The following CTNNA3 variants were observed in gnomAD, a reference collection of about 807,000 sequenced individuals.
The protein encoded by CTNNA3 is catenin alpha-3.
A neutral mutation model predicts 95.7 loss-of-function variants in CTNNA3; 76 were observed. The observed-to-expected ratio is 0.79, with a 90% CI of 0.66 to 0.96. The LOEUF (loss-of-function observed/expected upper bound fraction) is 0.96. Among genes scored for constraint, CTNNA3 ranks in the 40% least tolerant of loss-of-function variants. The probability of loss-of-function intolerance (pLI) is 0.00; values close to 1 mark genes in which losing one functional copy is unlikely to be tolerated. For synonymous variants in CTNNA3, 431 were observed against 374.4 expected, an observed-to-expected ratio of 1.15 and a Z score of -1.74; for missense variants, 1,191 against 1,089.8, an observed-to-expected ratio of 1.09 and a Z score of -1.31.
chr10:66,848,566 A>T (rs2132372939), intron 7 of CTNNA3, among the ~76,000 whole-genome samples: 1 of 152,334 alleles, frequency 6.6e-6, no homozygotes, highest in South Asian at 2.1e-4. Context: ...TGTTTTAAAA[A>T]TGCTGCTGTG....
intron 12 of CTNNA3, among the ~76,000 whole-genome samples, chr10:66,352,407 TA>T (rs1173650864): frequency 6.6e-6 from 1 of 151,970 alleles, no homozygotes; most frequent in East Asian, 1.9e-4. Flanking sequence ...TGAAGGAAGA[TA>T]GAGATAGTTT....
At chr10:67,493,123 T>A (rs1838906152) in intron 5 of CTNNA3, among the ~76,000 whole-genome samples, 1 of 152,124 alleles carries the variant, frequency 6.6e-6, no homozygotes, top group Non-Finnish European at 1.5e-5. Context: ...GGTAGTTTTG[T>A]TTTGTTTTTT....
chr10:66,615,124 G>A (rs1054632278), intron 10 of CTNNA3, among the ~76,000 whole-genome samples: 4 of 151,904 alleles, frequency 2.6e-5, no homozygotes, highest in African/African-American at 4.8e-5. Context: ...TTTAAACTAT[G>A]GGCCCAGGAC....
At chr10:66,016,442 A>C (rs942340978) in intron 15 of CTNNA3, among the ~76,000 whole-genome samples, 4 of 152,136 alleles carry the variant, frequency 2.6e-5, no homozygotes, top group African/African-American at 9.7e-5. Flanking sequence ...AGTTGGCAAA[A>C]CTCACCAATA....
chr10:66,640,347 C>T (rs545788398), intron 9 of CTNNA3, among the ~76,000 whole-genome samples: 1 of 152,260 alleles, frequency 6.6e-6, no homozygotes, highest in South Asian at 2.1e-4. Context: ...AATGTCTCTT[C>T]CCAGGGGAAG....
intron 5 of CTNNA3, among the ~76,000 whole-genome samples, chr10:67,362,567 A>C (rs1413775975): frequency 6.6e-6 from 1 of 152,174 alleles, no homozygotes; most frequent in Non-Finnish European, 1.5e-5. Flanking sequence ...GCCAAAATCC[A>C]AAATCCCTTC....
chr10:65,938,978 C>G (rs1222541240), intron 17 of CTNNA3, among the ~76,000 whole-genome samples: 1 of 151,946 alleles, frequency 6.6e-6, no homozygotes, highest in Admixed American at 6.6e-5. Flanking sequence ...TCTCGGCTCA[C>G]TGCAAGCTCC....
At chr10:66,325,766 G>A (rs924147074) in intron 12 of CTNNA3, among the ~76,000 whole-genome samples, 1 of 151,900 alleles carries the variant, frequency 6.6e-6, no homozygotes. Context: ...ATTAAATCTA[G>A]GACTGAAAAT....
rs115646845 is a variant in CTNNA3, at chr10:66,655,861, T to C, written c.1282-34077A>G. The stretch of plus-strand genomic sequence containing the variant: ...GCAGTGATAGGTAAATGGCAGAAAG[T>C]ATATACAAGTATTAAGTAACTTCAG... On this transcript the variant is annotated intron_variant, in intron 9 of 17. Coordinates refer to ENST00000433211, the MANE Select transcript of CTNNA3 (RefSeq NM_013266.4). Among the ~76,000 whole-genome samples the C allele has an allele frequency of 3.8e-3, 574 of 152,176 alleles. 6 individuals are homozygous for C. Among genetic ancestry groups the C allele is most frequent in the African/African-American group, 0.013 (527 of 41,542 alleles).
chr10:66,505,967 C>T (rs2131977324), intron 11 of CTNNA3, among the ~76,000 whole-genome samples: 1 of 152,236 alleles, frequency 6.6e-6, no homozygotes, highest in South Asian at 2.1e-4. Flanking sequence ...GTTCACAATT[C>T]TGCAGACTGT....
intron 13 of CTNNA3, among the ~76,000 whole-genome samples, chr10:66,115,166 C>T (rs1176719933): frequency 6.6e-6 from 1 of 152,106 alleles, no homozygotes; most frequent in Non-Finnish European, 1.5e-5. Context: ...GGCCTTGTCA[C>T]CTTGCAATAG....
intron 1 of CTNNA3, among the ~76,000 whole-genome samples, chr10:67,719,259 T>G (rs1032168039): frequency 1.3e-5 from 2 of 152,166 alleles, no homozygotes; most frequent in South Asian, 4.1e-4. Context: ...AGTTCCTGGA[T>G]TCATTGATTT....
chr10:67,596,527 T>G (rs577833191), intron 3 of CTNNA3, among the ~76,000 whole-genome samples: 1 of 152,244 alleles, frequency 6.6e-6, no homozygotes, highest in Non-Finnish European at 1.5e-5. Context: ...TGAAGCTTAG[T>G]TTGACTGAAT....
intron 13 of CTNNA3, among the ~76,000 whole-genome samples, chr10:66,274,939 ATAT>A (rs1467636090): frequency 1.3e-5 from 2 of 152,032 alleles, no homozygotes; most frequent in Non-Finnish European, 2.9e-5. Flanking sequence ...CAGAGTATAG[ATAT>A]TATATTTGTT....
intron 5 of CTNNA3, among the ~76,000 whole-genome samples, chr10:67,230,527 C>G (rs1276518277): frequency 6.6e-6 from 1 of 152,088 alleles, no homozygotes; most frequent in South Asian, 2.1e-4. Flanking sequence ...GGGAGAAAAT[C>G]TTCACAATCC....
intron 7 of CTNNA3, among the ~76,000 whole-genome samples, chr10:67,163,453 A>G (rs1861633480): frequency 6.6e-6 from 1 of 152,156 alleles, no homozygotes; most frequent in African/African-American, 2.4e-5. Flanking sequence ...ATCTAGAAAC[A>G]GAGAAGAACT....
intron 1 of CTNNA3, among the ~76,000 whole-genome samples, chr10:67,726,432 C>CATATATAATATATATT (rs1554879494): frequency 0.034 from 1,702 of 50,604 alleles, 78 homozygotes; most frequent in African/African-American, 0.11. Context: ...TATATTATAT[C>CATATATAATATATATT]ATATATAATA....
At chr10:67,459,950 A>G (rs779026944) in intron 5 of CTNNA3, among the ~76,000 whole-genome samples, 1 of 152,134 alleles carries the variant, frequency 6.6e-6, no homozygotes, top group Non-Finnish European at 1.5e-5. Context: ...ATTAACTTTC[A>G]TTTTTATGAC....
At chr10:66,218,015 A>G (rs1461039813) in intron 13 of CTNNA3, among the ~76,000 whole-genome samples, 1 of 152,046 alleles carries the variant, frequency 6.6e-6, no homozygotes, top group Non-Finnish European at 1.5e-5. Context: ...GGGAGGAGCC[A>G]GGCCTCTCCA....
Sources: gnomAD v4.1 joint callset for allele counts (sites outside exome capture counted in the v4.1 genomes callset) on GRCh38, gnomAD v4.1.1 for gene constraint, MANE v1.5 for transcripts, NCBI Gene and HGNC (gene_info 2026-07-23, HGNC 2026-07-21) for gene names.